TTBK2: variants seen among roughly 807,000 people sequenced by gnomAD.
The protein encoded by TTBK2 is tau-tubulin kinase 2.
Under a neutral mutation model 110.8 loss-of-function variants are expected in TTBK2, and 28 were observed. The ratio of observed to expected loss-of-function variants is 0.25; its 90% CI spans 0.19 to 0.35. TTBK2 has a LOEUF of 0.35. TTBK2 is among the 10% of genes least tolerant of loss of function. The pLI, the probability that TTBK2 is intolerant of heterozygous loss-of-function variation, is 1.00. For synonymous variants in TTBK2, 532 were observed against 527.3 expected, an observed-to-expected ratio of 1.01 and a Z score of -0.12; for missense variants, 1,369 against 1,500.3, an observed-to-expected ratio of 0.91 and a Z score of 1.45.
intron 13 of TTBK2, among the ~76,000 whole-genome samples, chr15:42,759,150 G>A (rs1483936741): frequency 6.6e-6 from 1 of 152,248 alleles, no homozygotes; most frequent in African/African-American, 2.4e-5. Context: ...CTCAGGATCA[G>A]CTGTGATTTG....
At chr15:42,909,519 A>G (rs1052118179) in intron 1 of TTBK2, among the ~76,000 whole-genome samples, 1 of 152,202 alleles carries the variant, frequency 6.6e-6, no homozygotes, top group East Asian at 1.9e-4. Flanking sequence ...CCTTAATTTA[A>G]TCATATATGC....
intron 1 of TTBK2, among the ~76,000 whole-genome samples, chr15:42,883,815 C>G (rs1895143185): frequency 6.6e-6 from 1 of 151,938 alleles, no homozygotes; most frequent in Non-Finnish European, 1.5e-5. Flanking sequence ...AAATATGATT[C>G]TATAAGAAAC....
intron 4 of TTBK2, among the ~76,000 whole-genome samples, chr15:42,839,318 C>T (rs1054091218): frequency 6.6e-6 from 1 of 152,152 alleles, no homozygotes; most frequent in Non-Finnish European, 1.5e-5. Flanking sequence ...ATGGTATACA[C>T]GTACCACATT....
intron 1 of TTBK2, among the ~76,000 whole-genome samples, chr15:42,900,506 G>A (rs184812597): frequency 2.0e-5 from 3 of 151,894 alleles, no homozygotes; most frequent in Admixed American, 2.0e-4. Flanking sequence ...ATCACTTGAG[G>A]TCACTAGTTT....
intron 3 of TTBK2, among the ~76,000 whole-genome samples, chr15:42,847,828 C>T (rs528893391): frequency 3.3e-5 from 5 of 152,246 alleles, no homozygotes; most frequent in East Asian, 1.9e-4. Context: ...TTCTGTACTA[C>T]GTTTTAAAAT....
chr15:42,843,758 CAAAAAAAAAAAA>C (rs57403388), intron 3 of TTBK2, among the ~76,000 whole-genome samples: 47 of 71,668 alleles, frequency 6.6e-4, no homozygotes, highest in Admixed American at 1.4e-3. Context: ...GACTTGGTCT[CAAAAAAAAAAAA>C]AAAAAAAAAA....
chr15:42,837,193 A>G (rs554069396), intron 4 of TTBK2, among the ~76,000 whole-genome samples: 1 of 150,100 alleles, frequency 6.7e-6, no homozygotes, highest in African/African-American at 2.5e-5. Context: ...AACCGTCCCT[A>G]CTAAAAATAC....
In TTBK2 at chr15:42,776,250, C is replaced by G. The variant is rs1175394280; in HGVS notation, c.1410-527G>C. Among the ~76,000 whole-genome samples, 4 of 152,140 alleles carry G rather than the reference C, an allele frequency of 2.6e-5. No homozygotes were observed. The East Asian group carries it at 7.7e-4, about 29-fold the overall frequency. On this transcript the variant is annotated intron_variant, in intron 12 of 14. Transcript: ENST00000267890. ...TAGTCAAATTCACAGTCCCTCTAAC[C>G]TAATATTTCATTACCAATAGTAGCC... is the stretch of plus-strand genomic sequence containing the variant.
At chr15:42,843,081 G>A (rs915774479) in intron 3 of TTBK2, among the ~76,000 whole-genome samples, 25 of 152,116 alleles carry the variant, frequency 1.6e-4, no homozygotes, top group African/African-American at 5.6e-4. Context: ...TACAGGGACC[G>A]TATCTATCTT....
intron 1 of TTBK2, among the ~76,000 whole-genome samples, chr15:42,904,680 A>G (rs1434925448): frequency 6.6e-6 from 1 of 152,182 alleles, no homozygotes; most frequent in Non-Finnish European, 1.5e-5. Context: ...CTGGGTAGAA[A>G]AAGACTAAGA....
At chr15:42,896,263 G>C (rs1024278752) in intron 1 of TTBK2, among the ~76,000 whole-genome samples, 3 of 152,042 alleles carry the variant, frequency 2.0e-5, no homozygotes, top group African/African-American at 7.3e-5. Context: ...GGGAGGCAGA[G>C]GTTGCAGTGA....
chr15:42,914,978 T>C (rs547845204), intron 1 of TTBK2, among the ~76,000 whole-genome samples: 4 of 152,332 alleles, frequency 2.6e-5, no homozygotes, highest in South Asian at 2.1e-4. Context: ...AGATTATTTG[T>C]CTTGTTGGCT....
chr15:42,807,956 T>C (rs763745778), intron 9 of TTBK2, among the ~76,000 whole-genome samples: 3 of 152,156 alleles, frequency 2.0e-5, no homozygotes, highest in Admixed American at 6.5e-5. Flanking sequence ...TGCCTAACAT[T>C]TGTTGAAAAT....
intron 3 of TTBK2, among the ~76,000 whole-genome samples, chr15:42,852,889 T>C (rs1381946471): frequency 1.3e-5 from 2 of 152,240 alleles, no homozygotes; most frequent in Non-Finnish European, 2.9e-5. Flanking sequence ...ATTATATGTT[T>C]ACATAAGGTT....
At chr15:42,880,556 T>C (rs1894999978) in intron 1 of TTBK2, among the ~76,000 whole-genome samples, 1 of 151,996 alleles carries the variant, frequency 6.6e-6, no homozygotes, top group Admixed American at 6.6e-5. Flanking sequence ...CTGGATAACA[T>C]TGTTTGTTTG....
In TTBK2 at chr15:42,830,051, T is replaced by C; in HGVS notation, c.319A>G (p.Ser107Gly). The change falls in exon 5 of 15, where the codon AGC (serine) becomes GGC (glycine). Residue 107 changes from serine (S) to glycine (G), a missense_variant. By Grantham distance (56) the Ser-to-Gly change is moderately conservative. Around this residue, in one of 4 missense-constraint regions of TTBK2, gnomAD observed 122 missense variants for 159.7 expected, o/e 0.76. Transcript: ENST00000267890. ...ATGGTGAATGTGCCTCGGGACTGGC[T>C]ACGGCGAAGATCTGCCAGATTCCGA... is the stretch of plus-strand genomic sequence containing the variant. Reference protein sequence around the residue: ...QGRNLADLRRSQSRGTFTIST... With the variant: ...QGRNLADLRRGQSRGTFTIST... The C allele has an allele frequency of 6.8e-6, 11 of 1,614,202 alleles. No homozygotes were observed. Among genetic ancestry groups the C allele is most frequent in the Non-Finnish European group, 9.3e-6 (11 of 1,180,038 alleles).
At chr15:42,815,217 A>G (rs931295644) in intron 7 of TTBK2, among the ~76,000 whole-genome samples, 3 of 152,208 alleles carry the variant, frequency 2.0e-5, no homozygotes, top group Non-Finnish European at 4.4e-5. Flanking sequence ...ATCATGAAAT[A>G]AAGCAACACT....
At chr15:42,790,468 A>G (rs1032835824) in intron 10 of TTBK2, among the ~76,000 whole-genome samples, 2 of 151,154 alleles carry the variant, frequency 1.3e-5, no homozygotes, top group African/African-American at 4.9e-5. Flanking sequence ...TATTTTTTGT[A>G]GAGACAGGGT....
chr15:42,917,376 A>G (rs1180508694), intron 1 of TTBK2, among the ~76,000 whole-genome samples: 1 of 152,174 alleles, frequency 6.6e-6, no homozygotes, highest in Non-Finnish European at 1.5e-5. Flanking sequence ...ACTGAAAAGA[A>G]GAAACTATCT....
Sources: allele counts gnomAD v4.1 joint callset (sites outside exome capture counted in the v4.1 genomes callset), GRCh38; gene constraint gnomAD v4.1.1; regional missense constraint gnomAD v4.1.1; transcripts MANE v1.5; gene names NCBI Gene and HGNC (gene_info 2026-07-23, HGNC 2026-07-21).